Variants in NPSR1 observed in about 807,000 individuals in gnomAD.
NPSR1 encodes neuropeptide S receptor 1.
In NPSR1, 48 loss-of-function variants were observed where a neutral mutation model predicts 46.9. The observed-to-expected ratio is 1.02, with a 90% confidence interval of 0.81 to 1.30. The LOEUF is 1.30. Among genes scored for constraint, NPSR1 ranks in the 50% most tolerant of loss-of-function variants. The pLI, the probability that NPSR1 is intolerant of heterozygous loss-of-function variation, is 0.00. For synonymous variants in NPSR1, 176 were observed against 168.1 expected (o/e 1.05, Z -0.36); for missense variants, 450 against 449.5 (o/e 1.00, Z -0.01).
chr7:34,830,472 G>T (rs1790066142), intron 5 of NPSR1, among the ~76,000 whole-genome samples: 1 of 151,820 alleles, frequency 6.6e-6, no homozygotes, highest in African/African-American at 2.4e-5. Context: ...TTATTAGGTT[G>T]GTGCAAAAGT....
At chr7:34,674,277 C>G (rs1196435452) in intron 1 of NPSR1, among the ~76,000 whole-genome samples, 1 of 152,180 alleles carries the variant, frequency 6.6e-6, no homozygotes, top group African/African-American at 2.4e-5. Flanking sequence ...CATTGTGTCT[C>G]ATTCTCCAAG....
intron 8 of NPSR1, among the ~76,000 whole-genome samples, chr7:34,870,038 A>G (rs1367305575): frequency 1.3e-5 from 2 of 151,826 alleles, no homozygotes; most frequent in Non-Finnish European, 2.9e-5. Context: ...ACCTTAGTCC[A>G]GGCTGCTCTC....
chr7:34,792,611 A>G (rs1562732872), intron 3 of NPSR1, among the ~76,000 whole-genome samples: 1 of 124,322 alleles, frequency 8.0e-6, no homozygotes, highest in African/African-American at 2.9e-5. Flanking sequence ...GTGTGTGTAT[A>G]TATGTGTATA....
intron 2 of NPSR1, chr7:34,758,300 T>A (rs1242320053): frequency 1.3e-5 from 2 of 152,210 alleles, no homozygotes; most frequent in Non-Finnish European, 2.9e-5. Context: ...AAGTTCATGG[T>A]GTTTCATGGG....
At chr7:34,871,323 A>C (rs1791447929) in intron 8 of NPSR1, among the ~76,000 whole-genome samples, 1 of 151,646 alleles carries the variant, frequency 6.6e-6, no homozygotes, top group South Asian at 2.1e-4. Flanking sequence ...GATGGGGCTA[A>C]GACAGTCAGG....
chr7:34,695,153 T>TA (rs1793455698), intron 2 of NPSR1, among the ~76,000 whole-genome samples: 2 of 152,128 alleles, frequency 1.3e-5, no homozygotes, highest in South Asian at 4.1e-4. Context: ...AGAAAGCAGT[T>TA]AAAATGCCAC....
chr7:34,855,841 A>G (rs1791036720), intron 8 of NPSR1, among the ~76,000 whole-genome samples: 1 of 152,206 alleles, frequency 6.6e-6, no homozygotes, highest in East Asian at 1.9e-4. Context: ...CATTCCAGGA[A>G]TGCAATGTTG....
At chr7:34,830,816 T>G (rs1353496150) in intron 5 of NPSR1, among the ~76,000 whole-genome samples, 1 of 152,230 alleles carries the variant, frequency 6.6e-6, no homozygotes, top group Non-Finnish European at 1.5e-5. Flanking sequence ...CTACTTGTTT[T>G]TTTTCAAAGA....
intron 3 of NPSR1, among the ~76,000 whole-genome samples, chr7:34,782,251 G>T (rs1411062160): frequency 2.6e-5 from 4 of 152,110 alleles, no homozygotes; most frequent in Non-Finnish European, 5.9e-5. Flanking sequence ...CCATGCATCA[G>T]ACCTCAGTTT....
At chr7:34,779,905 A>T (rs1465354309) in intron 3 of NPSR1, 1 of 157,814 alleles carries the variant, frequency 6.3e-6, no homozygotes, top group Admixed American at 6.5e-5. Flanking sequence ...GCTTATCAAA[A>T]GGTTCGGTCA....
At chr7:34,855,937 AT>A (rs1034207835) in intron 8 of NPSR1, among the ~76,000 whole-genome samples, 2 of 152,172 alleles carry the variant, frequency 1.3e-5, no homozygotes, top group African/African-American at 2.4e-5. Context: ...GCAGAAAAAA[AT>A]GTTTGATAAA....
intron 1 of NPSR1, among the ~76,000 whole-genome samples, chr7:34,661,296 G>A (rs1562633307): frequency 2.0e-5 from 3 of 152,074 alleles, no homozygotes; most frequent in Non-Finnish European, 2.9e-5. Flanking sequence ...TGAGACCAAA[G>A]TCGGTTCTAG....
At chr7:34,792,089 G>A (rs903257824) in intron 3 of NPSR1, among the ~76,000 whole-genome samples, 1 of 151,984 alleles carries the variant, frequency 6.6e-6, no homozygotes, top group African/African-American at 2.4e-5. Flanking sequence ...AGACTTAAAT[G>A]TAAGACCTTA....
chr7:34,678,906 AAAGAG>A (rs1393696904), intron 1 of NPSR1, among the ~76,000 whole-genome samples: 2 of 152,182 alleles, frequency 1.3e-5, no homozygotes, highest in African/African-American at 4.8e-5. Flanking sequence ...GATCTCCCGA[AAAGAG>A]AAGTATGTTA....
chr7:34,707,908 T>C (rs529853911), intron 2 of NPSR1, among the ~76,000 whole-genome samples: 3 of 152,326 alleles, frequency 2.0e-5, no homozygotes, highest in African/African-American at 7.2e-5. Context: ...TGTTGGCTAA[T>C]TTTATTTTGA....
intron 5 of NPSR1, among the ~76,000 whole-genome samples, chr7:34,830,753 G>A (rs772123836): frequency 1.4e-4 from 22 of 152,130 alleles, no homozygotes; most frequent in Non-Finnish European, 2.8e-4. Context: ...ATACCTCATT[G>A]TTTTACTTAT....
At chr7:34,781,658 T>A (rs1232268326) in intron 3 of NPSR1, among the ~76,000 whole-genome samples, 1 of 152,056 alleles carries the variant, frequency 6.6e-6, no homozygotes, top group East Asian at 1.9e-4. Context: ...CTTCCTCCTA[T>A]CCCCCAAGAA....
chr7:34,744,725 A>G (rs943934359), intron 2 of NPSR1, among the ~76,000 whole-genome samples: 2 of 152,138 alleles, frequency 1.3e-5, no homozygotes, highest in Non-Finnish European at 2.9e-5. Context: ...TCTCTGTAAA[A>G]CCAGTTCCCC....
intron 2 of NPSR1, among the ~76,000 whole-genome samples, chr7:34,721,914 G>A (rs1410181852): frequency 6.6e-6 from 1 of 152,050 alleles, no homozygotes; most frequent in Non-Finnish European, 1.5e-5. Flanking sequence ...ATATAGATAA[G>A]CATAATTGGT....
Sources: allele counts gnomAD v4.1 joint callset (sites outside exome capture counted in the v4.1 genomes callset), GRCh38; gene constraint gnomAD v4.1.1; transcripts MANE v1.5; gene names NCBI Gene and HGNC (gene_info 2026-07-23, HGNC 2026-07-21).